Variants in PDK3 observed in about 807,000 individuals in gnomAD.
PDK3 encodes pyruvate dehydrogenase kinase 3, also known as pyruvate dehydrogenase kinase, isozyme 3.
PDK3 carries 12 observed loss-of-function variants against 32.0 expected under a neutral mutation model. The ratio of observed to expected loss-of-function variants is 0.37; its 90% CI spans 0.24 to 0.61. The LOEUF (loss-of-function observed/expected upper bound fraction) is 0.61. PDK3 is among the 20% of genes least tolerant of loss of function. The pLI is 0.65. For synonymous variants in PDK3, 122 were observed against 116.3 expected (o/e 1.05, Z -0.31); for missense variants, 188 against 316.9 (o/e 0.59, Z 3.09).
chrX:24,480,093 A>G (rs1309235763), intron 1 of PDK3, among the ~76,000 whole-genome samples: 1 of 111,639 alleles, frequency 9.0e-6, no homozygotes, highest in Non-Finnish European at 1.9e-5. Context: ...AGGACCATCG[A>G]GTGCATTGTC....
chrX:24,522,663 T>C (rs1194449076), intron 6 of PDK3, among the ~76,000 whole-genome samples: 1 of 110,952 alleles, frequency 9.0e-6, no homozygotes, highest in Admixed American at 9.7e-5. Context: ...CCCAGCACTT[T>C]GGGAGGCCGA....
chrX:24,510,151 G>A (rs1199989334), intron 5 of PDK3, among the ~76,000 whole-genome samples: 1 of 112,012 alleles, frequency 8.9e-6, no homozygotes, highest in Admixed American at 9.5e-5. Context: ...TAAAGAAATA[G>A]GAATTGGAAT....
At chrX:24,502,437 T>C (rs1421064036) in intron 3 of PDK3, among the ~76,000 whole-genome samples, 1 of 112,302 alleles carries the variant, frequency 8.9e-6, no homozygotes, top group Admixed American at 9.5e-5. Context: ...ATTGACTGAC[T>C]TGTCTTATAC....
chrX:24,478,134 C>T (rs1469326770), intron 1 of PDK3, among the ~76,000 whole-genome samples: 1 of 111,556 alleles, frequency 9.0e-6, no homozygotes, highest in African/African-American at 3.3e-5. Context: ...ACATCTTTGC[C>T]ATGTACTTGG....
downstream of PDK3, among the ~76,000 whole-genome samples, chrX:24,538,798 A>ATTTTTTTTTTTTTT (rs1193311267): frequency 8.1e-5 from 9 of 111,221 alleles, no homozygotes; most frequent in Non-Finnish European, 1.1e-4. Flanking sequence ...AAATAAAAGT[A>ATTTTTTTTTTTTTT]TACAATTCCA....
At chrX:24,489,913 T>G (rs1921509655) in intron 1 of PDK3, among the ~76,000 whole-genome samples, 1 of 110,398 alleles carries the variant, frequency 9.1e-6, no homozygotes, top group Admixed American at 9.7e-5. Context: ...TTCCTGAAAT[T>G]TGGTTCTCTT....
chrX:24,523,292 A>G (rs1307524765), intron 6 of PDK3, among the ~76,000 whole-genome samples: 1 of 112,523 alleles, frequency 8.9e-6, no homozygotes, highest in African/African-American at 3.2e-5. Context: ...CCATCTCCTA[A>G]TACCATCACA....
chrX:24,541,384 G>A (rs1025940076), exon 12 of PDK3, among the ~76,000 whole-genome samples: 4 of 111,071 alleles, frequency 3.6e-5, no homozygotes, highest in Non-Finnish European at 7.5e-5. Context: ...AAGGCCCATC[G>A]ATCACCACAT....
At chrX:24,550,128 G>A (rs1004842012) in exon 12 of PDK3, 2 of 112,044 alleles carry the variant, frequency 1.8e-5, no homozygotes, top group Non-Finnish European at 3.8e-5. Flanking sequence ...CCTACTTACA[G>A]TGATAAATGT....
At chrX:24,469,343 G>A (rs1308193933) in intron 1 of PDK3, among the ~76,000 whole-genome samples, 1 of 110,919 alleles carries the variant, frequency 9.0e-6, no homozygotes, top group Admixed American at 9.7e-5. Context: ...TTTCCCCCTC[G>A]CTAGAAGTTT....
At chrX:24,498,144 A>G (rs1921762167) in intron 2 of PDK3, among the ~76,000 whole-genome samples, 1 of 112,418 alleles carries the variant, frequency 8.9e-6, no homozygotes, top group African/African-American at 3.2e-5. Flanking sequence ...CAGGCACTTC[A>G]GTGTCACACA....
chrX:24,515,800 C>G (rs1364307990), intron 5 of PDK3, among the ~76,000 whole-genome samples: 3 of 111,422 alleles, frequency 2.7e-5, no homozygotes, highest in Admixed American at 9.6e-5. Flanking sequence ...AAATTTTTAA[C>G]TTTTTTTTCA....
downstream of PDK3, among the ~76,000 whole-genome samples, chrX:24,537,833 C>T (rs768183168): frequency 6.3e-5 from 7 of 111,929 alleles, no homozygotes; most frequent in Non-Finnish European, 1.3e-4. Flanking sequence ...TGGACTGCTA[C>T]GCAATATTGC....
At chrX:24,526,295 G>A (rs770147090) in intron 7 of PDK3, 21 bp downstream of exon 7, 11 of 980,445 alleles carry the variant, frequency 1.1e-5, no homozygotes, top group Middle Eastern at 2.6e-4. Context: ...TTTTAAAAAC[G>A]TGGAAAGAAG....
At position 24,483,896 on chromosome X, in the gene PDK3, T is replaced by C. The variant is rs1330392788; in HGVS notation, c.107-10846T>C. 2.7e-5 allele frequency among the ~76,000 whole-genome samples: 3 copies of C among 111,435 alleles called. No individual in the cohort carries two copies. The Admixed American group carries it at 2.9e-4, about 11-fold the overall frequency. ...ATCCGGCTAATTTGTATATTTTTTGTAGAGACGGGGTTTCACCATATGGCC... is the reference window on the plus strand; with the variant it reads ...ATCCGGCTAATTTGTATATTTTTTGCAGAGACGGGGTTTCACCATATGGCC... On this transcript the variant is annotated intron_variant, in intron 1 of 10. Transcript: ENST00000379162.
chrX:24,486,363 A>T (rs1921400654), intron 1 of PDK3, among the ~76,000 whole-genome samples: 1 of 111,211 alleles, frequency 9.0e-6, no homozygotes, highest in Non-Finnish European at 1.9e-5. Flanking sequence ...CAGACTTAGG[A>T]GTGAAGGGGC....
At chrX:24,478,106 C>T (rs73484269) in intron 1 of PDK3, among the ~76,000 whole-genome samples, 85 of 111,458 alleles carry the variant, frequency 7.6e-4, no homozygotes, top group African/African-American at 2.6e-3. Context: ...GGATGGGTTA[C>T]GTGGTGTTTT....
At chrX:24,533,513 A>T (rs1279888449) in intron 10 of PDK3, among the ~76,000 whole-genome samples, 1 of 111,648 alleles carries the variant, frequency 9.0e-6, no homozygotes, top group Non-Finnish European at 1.9e-5. Flanking sequence ...GGGAGTATTT[A>T]TCTTAGATGC....
intron 2 of PDK3, among the ~76,000 whole-genome samples, chrX:24,496,872 C>A (rs1406694495): frequency 4.0e-5 from 4 of 99,512 alleles, no homozygotes; most frequent in Non-Finnish European, 8.1e-5. Context: ...AGCTCCGCCT[C>A]CTGGGTTCAT....
Sources: gnomAD v4.1 joint callset for allele counts (sites outside exome capture counted in the v4.1 genomes callset) on GRCh38, gnomAD v4.1.1 for gene constraint, MANE v1.5 for transcripts, NCBI Gene and HGNC (gene_info 2026-07-23, HGNC 2026-07-21) for gene names.